Variants in ZKSCAN3 observed in about 807,000 individuals in gnomAD.
The protein encoded by ZKSCAN3 is zinc finger with KRAB and SCAN domains 3.
ZKSCAN3 carries 21 observed loss-of-function variants against 30.7 expected under a neutral mutation model. That is an observed-to-expected ratio of 0.68 (90% CI 0.49 to 0.99). The LOEUF (loss-of-function observed/expected upper bound fraction) is 0.99, where lower values mean the gene tolerates loss of function less well. Ranked by LOEUF, ZKSCAN3 falls within the 50% of genes least tolerant of loss-of-function variation. ZKSCAN3 has a pLI of 0.00. For missense variants in ZKSCAN3, 507 were observed against 647.1 expected, an observed-to-expected ratio of 0.78 and a Z score of 2.35; for synonymous variants, 201 against 246.7, an observed-to-expected ratio of 0.81 and a Z score of 1.73.
chr6:28,363,477 T>A, intron 4 of ZKSCAN3, 92 bp downstream of exon 4: 1 of 1,316,654 alleles, frequency 7.6e-7, no homozygotes, highest in Non-Finnish European at 1.1e-6. Flanking sequence ...TCCACCCCAA[T>A]CCTAGATCCT....
chr6:28,354,151 G>T (rs988218907), intron 1 of ZKSCAN3: 5 of 357,860 alleles, frequency 1.4e-5, no homozygotes, highest in Non-Finnish European at 2.8e-5. Context: ...CTGCAAGATG[G>T]CCAGTTCTCT....
intron 5 of ZKSCAN3, among the ~76,000 whole-genome samples, chr6:28,364,360 C>G (rs1765878191): frequency 6.6e-6 from 1 of 152,186 alleles, no homozygotes; most frequent in Non-Finnish European, 1.5e-5. Flanking sequence ...GTCGATACAA[C>G]CCCGAGTACA....
chr6:28,357,092 T>C (rs564961093), intron 1 of ZKSCAN3, among the ~76,000 whole-genome samples: 1 of 152,324 alleles, frequency 6.6e-6, no homozygotes, highest in Non-Finnish European at 1.5e-5. Flanking sequence ...AACAGTAGTA[T>C]CTTAGAGCCA....
At chr6:28,363,187 C>T in intron 3 of ZKSCAN3, 116 bp from the exon 4 acceptor site, 1 of 907,502 alleles carries the variant, frequency 1.1e-6, no homozygotes, top group Admixed American at 2.4e-5. Context: ...CTTCAGACTC[C>T]TGGGCTCAAT....
chr6:28,350,641 G>T (rs965883650), intron 1 of ZKSCAN3, among the ~76,000 whole-genome samples: 1 of 152,140 alleles, frequency 6.6e-6, no homozygotes, highest in African/African-American at 2.4e-5. Flanking sequence ...TTAAAGATTT[G>T]CTTTTATTAG....
At chr6:28,361,265 T>TA in intron 2 of ZKSCAN3, 59 bp from the exon 3 acceptor site, 1 of 1,567,654 alleles carries the variant, frequency 6.4e-7, no homozygotes, top group Non-Finnish European at 8.6e-7. Flanking sequence ...GCCAGCCACC[T>TA]AGGTAGTTCT....
At position 28,351,005 on chromosome 6, in the gene ZKSCAN3, G is replaced by C. The variant is rs984173315; in HGVS notation, c.-63+938G>C. On this transcript the variant is annotated intron_variant, in intron 1 of 5. Transcript: ENST00000252211. This position sits in a 1 kb window ranked among gnomAD's most constrained non-coding sequence, Gnocchi z 4.6. Reference sequence around the variant, plus strand: ...TAGTGCTGGAGATCCACCAGTTTTCGAGCTTCCAGGAACGCCCTAGCCTGA... The same window carrying C: ...TAGTGCTGGAGATCCACCAGTTTTCCAGCTTCCAGGAACGCCCTAGCCTGA... Among the ~76,000 whole-genome samples, 2 of 152,112 alleles carry C rather than the reference G, an allele frequency of 1.3e-5. No homozygotes were observed. The highest frequency in any genetic ancestry group is 2.9e-5 in the Non-Finnish European group (2 of 68,012).
rs146787124 is a variant in ZKSCAN3 at position 28,367,369 on chromosome 6, C to G, written c.*1084C>G. ...ATGAGGTCTCACTATGTTGCCCAGG[C>G]TGGTCTCGAAATCCTGGGCAATCCT... is the stretch of plus-strand genomic sequence containing the variant. On this transcript the variant is annotated 3_prime_UTR_variant, in exon 6 of 6. Coordinates refer to ENST00000252211, the MANE Select transcript of ZKSCAN3 (RefSeq NM_024493.4). 364 of 140,586 alleles carry G rather than the reference C, an allele frequency of 2.6e-3. 3 individuals carry two copies. Among genetic ancestry groups the G allele is most frequent in the African/African-American group, 9.2e-3 (346 of 37,810 alleles). The allele number at this position is 140,586 out of a possible 1,614,324, so 8.7% of individuals were successfully genotyped here. A position where few individuals can be genotyped will look rare whatever the true frequency, so the allele number is the denominator to read the frequency against.
At position 28,359,877 on chromosome 6, in the gene ZKSCAN3, C is replaced by T. The variant is rs753599588; in HGVS notation, c.291C>T (p.Ile97=). 1 of 1,614,104 alleles carries T rather than the reference C, an allele frequency of 6.2e-7. No individual in the cohort carries two copies. The highest frequency in any genetic ancestry group is 8.5e-7 in the Non-Finnish European group (1 of 1,180,030). ...TGGTGCTGGAGCAGTTCCTGACCAT[C>T]CTGCCGGGGAATCTGCAGAGCTGGG... ...ELLVLEQFLT[I]LPGNLQSWVR... is the part of the protein sequence containing the mutation. The change falls in exon 2 of 6, where the codon ATC becomes ATT. Residue 97 remains isoleucine (I), a synonymous_variant. Coordinates refer to ENST00000252211, the MANE Select transcript of ZKSCAN3 (RefSeq NM_024493.4).
chr6:28,358,107 A>G (rs1028558793), intron 1 of ZKSCAN3, among the ~76,000 whole-genome samples: 5 of 152,216 alleles, frequency 3.3e-5, no homozygotes, highest in African/African-American at 9.6e-5. Flanking sequence ...GGGATCCCCA[A>G]TGATACCAAA....
Position 28,366,342 on chromosome 6 carries a change from C to T in ZKSCAN3, c.*57C>T. 2 of 1,470,712 alleles carry T rather than the reference C, an allele frequency of 1.4e-6. No homozygotes were observed. The highest frequency in any genetic ancestry group is 1.8e-6 in the Non-Finnish European group (2 of 1,112,194). 91.1% of individuals were successfully genotyped at this position (1,470,712 alleles called of 1,614,324 possible). On this transcript the variant is annotated 3_prime_UTR_variant, in exon 6 of 6. Transcript: ENST00000252211. Reference sequence around the variant, plus strand: ...TTTGTCACTGATCTGAAGCCACTCCCCCTGGAGTCTCAACTATAGAAATTG... The same window carrying T: ...TTTGTCACTGATCTGAAGCCACTCCTCCTGGAGTCTCAACTATAGAAATTG...
In ZKSCAN3 at chr6:28,366,052, GC is replaced by G; in HGVS notation, c.1386del (p.Trp463GlyfsTer69). The G allele has an allele frequency of 1.9e-6, 3 of 1,609,590 alleles. No individual in the cohort carries two copies. Among genetic ancestry groups the G allele is most frequent in the African/African-American group, 1.3e-5 (1 of 74,754 alleles). On this transcript the variant is annotated frameshift_variant, in exon 6 of 6. Coordinates refer to ENST00000252211, the MANE Select transcript of ZKSCAN3 (RefSeq NM_024493.4). LOFTEE classifies it low-confidence loss of function (END_TRUNC). ...TGTTCAGGAACCTGAGCAGGGAGAG[GC>G]CTGGAAAAGTAGGATGGAAAGCCAG... The part of the protein sequence containing the change: ...KNVQEPEQGE[A>X]WKSRMESQLE...
intron 2 of ZKSCAN3, 119 bp from the exon 3 acceptor site, chr6:28,361,205 T>C (rs969447232): frequency 2.7e-6 from 3 of 1,117,326 alleles, no homozygotes; most frequent in Non-Finnish European, 2.6e-6. Flanking sequence ...TATAAGATTG[T>C]TGTTTTCTGC....
In ZKSCAN3 at chr6:28,351,693, C is replaced by G. The variant is rs991034918; in HGVS notation, c.-63+1626C>G. 2.0e-5 allele frequency among the ~76,000 whole-genome samples: 3 copies of G among 151,454 alleles called. No homozygotes were observed. Among genetic ancestry groups the G allele is most frequent in the Non-Finnish European group, 4.4e-5 (3 of 67,894 alleles). ...TCCTCCCTCTTTCCCTCTCTCCTTTCTTTCCCTCTCCCTCCTTTCTTTGTC... is the reference window on the plus strand; with the variant it reads ...TCCTCCCTCTTTCCCTCTCTCCTTTGTTTCCCTCTCCCTCCTTTCTTTGTC... On this transcript the variant is annotated intron_variant, in intron 1 of 5. Transcript: ENST00000252211. The surrounding 1 kb of genome is among the most constrained non-coding windows in gnomAD (Gnocchi z 4.6).
rs377674627 is a variant in ZKSCAN3, at chr6:28,359,985, G to A, written c.399G>A (p.Pro133=). ...YLERQLDEPA[P]QVSGVDQGQE... ...AGAGGCAGCTGGATGAGCCGGCGCCGCAGGTAGAAAGAACAGGTTTAGTAT... is the reference window on the plus strand; with the variant it reads ...AGAGGCAGCTGGATGAGCCGGCGCCACAGGTAGAAAGAACAGGTTTAGTAT... The change falls in exon 2 of 6, where the codon CCG becomes CCA. Residue 133 remains proline (P), a synonymous_variant. Transcript: ENST00000252211. 6.8e-6 allele frequency: 11 copies of A among 1,614,140 alleles called. No individual in the cohort carries two copies. Among genetic ancestry groups the A allele is most frequent in the East Asian group, 2.2e-5 (1 of 44,880 alleles).
In ZKSCAN3 at chr6:28,359,684, G is replaced by C; in HGVS notation, c.98G>C (p.Gly33Ala). The C allele has an allele frequency of 1.2e-6, 2 of 1,614,212 alleles. No homozygotes were observed. The highest frequency in any genetic ancestry group is 1.7e-6 in the Non-Finnish European group (2 of 1,180,046). Residue 33 changes from glycine (G) to alanine (A), a missense_variant, in exon 2 of 6, where the codon GGT (glycine) becomes GCT (alanine). Physicochemically the swap from Gly to Ala is moderately conservative, Grantham distance 60. Coordinates refer to ENST00000252211, the MANE Select transcript of ZKSCAN3 (RefSeq NM_024493.4). Reference protein sequence around the residue: ...LVIKVEEEEAGFPSSPDLGSE... With the variant: ...LVIKVEEEEAAFPSSPDLGSE... ...ATAAAGGTGGAGGAAGAAGAAGCCGGTTTTCCCAGTAGCCCAGATCTGGGT... is the reference window on the plus strand; with the variant it reads ...ATAAAGGTGGAGGAAGAAGAAGCCGCTTTTCCCAGTAGCCCAGATCTGGGT...
chr6:28,357,340 G>A (rs912835135), intron 1 of ZKSCAN3, among the ~76,000 whole-genome samples: 3 of 152,194 alleles, frequency 2.0e-5, no homozygotes, highest in African/African-American at 4.8e-5. Context: ...CCCTATTACA[G>A]ATAAGGAGAG....
rs1355066698 is a variant in ZKSCAN3 at position 28,366,287 on chromosome 6, C to T, written c.*2C>T. 2.7e-6 allele frequency: 4 copies of T among 1,506,554 alleles called. No individual in the cohort carries two copies. The East Asian group carries it at 9.1e-5, about 34-fold the overall frequency. The allele number at this position is 1,506,554 out of a possible 1,614,324, so 93.3% of individuals were successfully genotyped here. ...GGGAAAAACATCCTATCACAGTGAC[C>T]CATGCCATACATGCCAGAGTTGGTG... is the stretch of plus-strand genomic sequence containing the variant. On this transcript the variant is annotated 3_prime_UTR_variant, in exon 6 of 6. Transcript: ENST00000252211.
chr6:28,359,533 T>C lies in ZKSCAN3; in HGVS notation c.-54T>C. ...GATTTCCCACCTTTCAGGGATCTTCTGCAGAAATAGCGCTGGAAGCTAGAG... is the reference window on the plus strand; with the variant it reads ...GATTTCCCACCTTTCAGGGATCTTCCGCAGAAATAGCGCTGGAAGCTAGAG... On this transcript the variant is annotated 5_prime_UTR_variant, in exon 2 of 6. Coordinates refer to ENST00000252211, the MANE Select transcript of ZKSCAN3 (RefSeq NM_024493.4). The C allele has an allele frequency of 6.4e-7, 1 of 1,572,140 alleles. No homozygotes were observed. The highest frequency in any genetic ancestry group is 1.9e-5 in the Admixed American group (1 of 52,518).
Sources: allele counts gnomAD v4.1 joint callset (sites outside exome capture counted in the v4.1 genomes callset), GRCh38; gene constraint gnomAD v4.1.1; non-coding constraint Gnocchi (gnomAD v3.1); transcripts MANE v1.5; gene names NCBI Gene and HGNC (gene_info 2026-07-23, HGNC 2026-07-21).